CDH4: variants seen among roughly 807,000 people sequenced by gnomAD.
The protein encoded by CDH4 is cadherin-4.
In CDH4, 33 loss-of-function variants were observed where a neutral mutation model predicts 86.0. The observed-to-expected ratio is 0.38, with a 90% CI of 0.29 to 0.51. CDH4 has a LOEUF of 0.51. Among genes scored for constraint, CDH4 ranks in the 20% least tolerant of loss-of-function variants. The pLI, the probability that CDH4 is intolerant of heterozygous loss-of-function variation, is 0.86. For missense variants in CDH4, 1,114 were observed against 1,307.4 expected (o/e 0.85, Z 2.28); for synonymous variants, 555 against 549.4 (o/e 1.01, Z -0.14).
chr20:61,790,030 A>T (rs772233039), intron 4 of CDH4, among the ~76,000 whole-genome samples: 2 of 152,128 alleles, frequency 1.3e-5, no homozygotes, highest in African/African-American at 4.8e-5. Context: ...ACAGTCTATT[A>T]CATTAGGTTA....
At chr20:61,335,381 C>G (rs908543813) in intron 2 of CDH4, among the ~76,000 whole-genome samples, 1 of 152,162 alleles carries the variant, frequency 6.6e-6, no homozygotes, top group Non-Finnish European at 1.5e-5. Flanking sequence ...TTAAAATATT[C>G]AGTTGCACTG....
chr20:61,383,115 G>T (rs2084914492), intron 2 of CDH4, among the ~76,000 whole-genome samples: 10 of 80,006 alleles, frequency 1.2e-4, no homozygotes, highest in South Asian at 1.2e-3. Context: ...ATTATATATA[G>T]AATATATATG....
chr20:61,497,504 G>A (rs1050619668), intron 2 of CDH4, among the ~76,000 whole-genome samples: 1 of 152,156 alleles, frequency 6.6e-6, no homozygotes, highest in Non-Finnish European at 1.5e-5. Context: ...AAACCACAAT[G>A]AGATACCATC....
At chr20:61,731,404 C>T (rs1222922087) in intron 2 of CDH4, among the ~76,000 whole-genome samples, 2 of 152,196 alleles carry the variant, frequency 1.3e-5, no homozygotes, top group Non-Finnish European at 2.9e-5. Flanking sequence ...GAGATCCCTG[C>T]CACCCCACAG....
chr20:61,394,585 A>T (rs1002444819), intron 2 of CDH4, among the ~76,000 whole-genome samples: 1 of 151,832 alleles, frequency 6.6e-6, no homozygotes, highest in Non-Finnish European at 1.5e-5. Context: ...AGAGAGCACC[A>T]GGGCGGGGTG....
chr20:61,730,953 C>T (rs904087647), intron 2 of CDH4, among the ~76,000 whole-genome samples: 13 of 152,088 alleles, frequency 8.5e-5, no homozygotes, highest in African/African-American at 2.7e-4. Flanking sequence ...CCGGCTCCCA[C>T]GTGGAAGGTA....
chr20:61,357,780 G>A (rs28483040), intron 2 of CDH4, among the ~76,000 whole-genome samples: 4,671 of 152,256 alleles, frequency 0.031, 98 homozygotes, highest in Non-Finnish European at 0.047. Flanking sequence ...ACACAGTGCC[G>A]GCCTCACAAA....
intron 2 of CDH4, among the ~76,000 whole-genome samples, chr20:61,701,912 G>GGGTGT (rs2145886372): frequency 6.6e-6 from 1 of 152,242 alleles, no homozygotes; most frequent in East Asian, 1.9e-4. Context: ...ACAGAAGCAT[G>GGGTGT]GGTGTGACTC....
intron 2 of CDH4, among the ~76,000 whole-genome samples, chr20:61,528,887 T>G (rs894306928): frequency 1.3e-5 from 2 of 151,722 alleles, no homozygotes; most frequent in African/African-American, 4.8e-5. Flanking sequence ...ACCGCCCTTG[T>G]CCCTTATTAT....
At position 61,510,916 on chromosome 20, in the gene CDH4, G is replaced by A. The variant is rs1178908168; in HGVS notation, c.170-232647G>A. Among the ~76,000 whole-genome samples, 1 of 152,002 alleles carries A rather than the reference G, an allele frequency of 6.6e-6. No homozygotes were observed. The highest frequency in any genetic ancestry group is 1.5e-5 in the Non-Finnish European group (1 of 68,014). ...GGGGGAAGGTGAGGGGGTGGGGACA[G>A]ACATGTCACAAAATGAAAGCAGGAG... On this transcript the variant is annotated intron_variant, in intron 2 of 15. Transcript: ENST00000614565. The surrounding 1 kb of genome is among the most constrained non-coding windows in gnomAD (Gnocchi z 4.2).
At chr20:61,294,855 A>C (rs1355505753) in intron 2 of CDH4, among the ~76,000 whole-genome samples, 1 of 152,226 alleles carries the variant, frequency 6.6e-6, no homozygotes, top group Non-Finnish European at 1.5e-5. Flanking sequence ...GTGAGTTCAC[A>C]GGGCAGTGAT....
chr20:61,586,738 C>A (rs1445881675), intron 2 of CDH4, among the ~76,000 whole-genome samples: 1 of 152,174 alleles, frequency 6.6e-6, no homozygotes, highest in African/African-American at 2.4e-5. Flanking sequence ...GACTATAGAT[C>A]ACACTCTCAA....
chr20:61,896,382 C>T (rs1371061097), intron 8 of CDH4, among the ~76,000 whole-genome samples: 1 of 152,232 alleles, frequency 6.6e-6, no homozygotes, highest in East Asian at 1.9e-4. Context: ...TCTGGGCCTC[C>T]TGCGTCCTGC....
intron 2 of CDH4, among the ~76,000 whole-genome samples, chr20:61,353,604 C>CTGCA (rs2084725951): frequency 7.8e-5 from 1 of 12,844 alleles, no homozygotes; most frequent in African/African-American, 4.1e-4. Context: ...GTTAATTCCA[C>CTGCA]TTCCTCCTCT....
At chr20:61,605,813 G>T (rs1456750645) in intron 2 of CDH4, among the ~76,000 whole-genome samples, 1 of 151,026 alleles carries the variant, frequency 6.6e-6, no homozygotes, top group East Asian at 1.9e-4. Flanking sequence ...GAAGGTCCTT[G>T]CAACATCTAG....
chr20:61,861,739 C>A (rs771761217), intron 6 of CDH4, among the ~76,000 whole-genome samples: 1 of 152,198 alleles, frequency 6.6e-6, no homozygotes, highest in Non-Finnish European at 1.5e-5. Context: ...CGCCCCCAAG[C>A]GTCACGTACA....
At chr20:61,396,465 C>A (rs1431422734) in intron 2 of CDH4, among the ~76,000 whole-genome samples, 2 of 152,170 alleles carry the variant, frequency 1.3e-5, no homozygotes, top group African/African-American at 4.8e-5. Context: ...TCTCAAATTG[C>A]GTTCTGCGCA....
rs543664322 is a variant in CDH4, at chr20:61,269,966, G to T, written c.169+15029G>T. On this transcript the variant is annotated intron_variant, in intron 2 of 15. Transcript: ENST00000614565. The surrounding 1 kb of genome is among the most constrained non-coding windows in gnomAD (Gnocchi z 5.3). ...CCCCCAGATGTGGAGAGGGCCGGCC[G>T]ACCTTTGCGGCAGTCATTTTTCCAT... Among the ~76,000 whole-genome samples, 1 of 152,208 alleles carries T rather than the reference G, an allele frequency of 6.6e-6. No homozygotes were observed. Among genetic ancestry groups the T allele is most frequent in the African/African-American group, 2.4e-5 (1 of 41,448 alleles).
At chr20:61,660,433 C>T (rs6061305) in intron 2 of CDH4, among the ~76,000 whole-genome samples, 1 of 152,208 alleles carries the variant, frequency 6.6e-6, no homozygotes, top group African/African-American at 2.4e-5. Context: ...TGTTCATCAT[C>T]GAAGGCAGGT....
Sources: gnomAD v4.1 joint callset for allele counts (sites outside exome capture counted in the v4.1 genomes callset) on GRCh38, gnomAD v4.1.1 for gene constraint, Gnocchi (gnomAD v3.1) non-coding constraint, MANE v1.5 for transcripts, NCBI Gene and HGNC (gene_info 2026-07-23, HGNC 2026-07-21) for gene names.